Variants in MAGI1 observed in about 807,000 individuals in gnomAD.
MAGI1 encodes membrane-associated guanylate kinase, WW and PDZ domain-containing protein 1.
MAGI1 carries 58 observed loss-of-function variants against 139.9 expected under a neutral mutation model. The ratio of observed to expected loss-of-function variants is 0.41; its 90% CI spans 0.34 to 0.52. The LOEUF (loss-of-function observed/expected upper bound fraction) is 0.52, where lower values mean the gene tolerates loss of function less well. Among genes scored for constraint, MAGI1 ranks in the 20% least tolerant of loss-of-function variants. MAGI1 has a pLI of 0.12. For synonymous variants in MAGI1, 812 were observed against 737.9 expected (o/e 1.10, Z -1.63); for missense variants, 1,874 against 1,901.6 (o/e 0.99, Z 0.27).
intron 1 of MAGI1, among the ~76,000 whole-genome samples, chr3:65,805,330 TG>T (rs1426621878): frequency 6.6e-6 from 1 of 152,088 alleles, no homozygotes; most frequent in Non-Finnish European, 1.5e-5. Flanking sequence ...AACAAACGTA[TG>T]AAAAAAAGCT....
At position 65,835,513 on chromosome 3, in the gene MAGI1, C is replaced by T. The variant is rs376926980; in HGVS notation, c.313+202483G>A. Among the ~76,000 whole-genome samples the T allele has an allele frequency of 3.3e-5, 5 of 152,114 alleles. No homozygotes were observed. The East Asian group carries it at 7.8e-4, about 24-fold the overall frequency. ...TGAATTTCCTAATCCCATGCATTTG[C>T]ATTTCCTGAGTTTCTGATTCTTGCC... On this transcript the variant is annotated intron_variant, in intron 1 of 22. Coordinates refer to ENST00000402939, the MANE Select transcript of MAGI1 (RefSeq NM_001033057.2).
intron 12 of MAGI1, among the ~76,000 whole-genome samples, chr3:65,415,539 C>A (rs1946148871): frequency 6.6e-6 from 1 of 152,182 alleles, no homozygotes; most frequent in African/African-American, 2.4e-5. Context: ...CGCTGGAGAC[C>A]CTCACAGCTG....
intron 2 of MAGI1, among the ~76,000 whole-genome samples, chr3:65,530,054 T>C (rs547488969): frequency 1.3e-5 from 2 of 152,190 alleles, no homozygotes; most frequent in South Asian, 4.2e-4. Flanking sequence ...AGGGATTCAG[T>C]AGGTATTTGT....
intron 2 of MAGI1, among the ~76,000 whole-genome samples, chr3:65,508,571 G>C (rs1180445735): frequency 2.0e-5 from 3 of 152,066 alleles, no homozygotes; most frequent in African/African-American, 7.2e-5. Flanking sequence ...TGAGTGCTTT[G>C]CCTTCTAAGA....
At chr3:65,637,170 T>C (rs902290197) in intron 1 of MAGI1, among the ~76,000 whole-genome samples, 2 of 152,152 alleles carry the variant, frequency 1.3e-5, no homozygotes, top group African/African-American at 2.4e-5. Flanking sequence ...CATATAGAAA[T>C]TGGGAACAGT....
chr3:65,845,656 C>CACCAA (rs2058967580), intron 1 of MAGI1, among the ~76,000 whole-genome samples: 1 of 152,194 alleles, frequency 6.6e-6, no homozygotes, highest in Non-Finnish European at 1.5e-5. Flanking sequence ...AATTTCATGT[C>CACCAA]TTTGCTATGC....
At chr3:65,429,445 C>T in intron 12 of MAGI1, 75 bp downstream of exon 12, 2 of 1,421,288 alleles carry the variant, frequency 1.4e-6, no homozygotes, top group Non-Finnish European at 1.9e-6. Context: ...CCCCAGTGGT[C>T]ATCTGAAGAT....
At chr3:66,005,423 G>T (rs2066963086) in intron 1 of MAGI1, among the ~76,000 whole-genome samples, 1 of 152,138 alleles carries the variant, frequency 6.6e-6, no homozygotes, top group Non-Finnish European at 1.5e-5. Flanking sequence ...CAGACTTCTG[G>T]TTACATCACT....
chr3:65,364,220 A>G (rs1341130069), intron 20 of MAGI1, among the ~76,000 whole-genome samples: 1 of 151,328 alleles, frequency 6.6e-6, no homozygotes, highest in Non-Finnish European at 1.5e-5. Flanking sequence ...GCATCACCCA[A>G]AGTTCCTCAA....
chr3:65,512,107 C>T (rs1322018373), intron 2 of MAGI1, among the ~76,000 whole-genome samples: 2 of 50,728 alleles, frequency 3.9e-5, no homozygotes, highest in Non-Finnish European at 8.2e-5. Flanking sequence ...TTGAAACCAA[C>T]GAGAACAAAG....
Position 65,425,135 on chromosome 3 carries a change from A to AAAAAAAAAAAC in MAGI1, c.2167+4384_2167+4385insGTTTTTTTTTT, listed in dbSNP as rs1559543283. ...AAAAAAAAAAAAAAAAAAAAAAACA[A>AAAAAAAAAAAC]AAAAAAACACACATGCCTAAACATC... On this transcript the variant is annotated intron_variant, in intron 12 of 22. Transcript: ENST00000402939. Among the ~76,000 whole-genome samples the AAAAAAAAAAAC allele has an allele frequency of 2.2e-4, 19 of 87,770 alleles. 1 individual carries two copies. The highest frequency in any genetic ancestry group is 6.7e-4 in the African/African-American group (16 of 24,018). 57.6% of individuals were successfully genotyped at this position (87,770 alleles called of 152,430 possible). A position where few individuals can be genotyped will look rare whatever the true frequency, so the allele number is the denominator to read the frequency against.
intron 3 of MAGI1, among the ~76,000 whole-genome samples, chr3:65,488,046 CAGG>C (rs1468743702): frequency 1.3e-5 from 2 of 152,226 alleles, no homozygotes; most frequent in African/African-American, 4.8e-5. Context: ...GAAGTTCTTA[CAGG>C]ATAGCAGTGG....
intron 12 of MAGI1, among the ~76,000 whole-genome samples, chr3:65,407,229 C>T (rs4688563): frequency 0.3 from 45,090 of 151,752 alleles, 7,714 homozygotes; most frequent in South Asian, 0.45. Flanking sequence ...AGTGGATCAC[C>T]TGAGGTCAAG....
At position 65,530,657 on chromosome 3, in the gene MAGI1, GTGTGTATA is replaced by G. The variant is rs1419625046; in HGVS notation, c.431-37034_431-37027del. Among the ~76,000 whole-genome samples, 306 of 67,164 alleles carry G rather than the reference GTGTGTATA, an allele frequency of 4.6e-3. 7 individuals carry two copies. Among genetic ancestry groups the G allele is most frequent in the African/African-American group, 0.016 (289 of 18,378 alleles). 44.1% of individuals were successfully genotyped at this position (67,164 alleles called of 152,430 possible). A position where few individuals can be genotyped will look rare whatever the true frequency, so the allele number is the denominator to read the frequency against. ...TGTGTGTGTGTGTGTGTGTGTGTGT[GTGTGTATA>G]TATATATACATATATATATACGTGT... On this transcript the variant is annotated intron_variant, in intron 2 of 22. Transcript: ENST00000402939.
At chr3:65,829,682 C>T (rs547528006) in intron 1 of MAGI1, among the ~76,000 whole-genome samples, 3 of 152,198 alleles carry the variant, frequency 2.0e-5, no homozygotes, top group Non-Finnish European at 1.5e-5. Flanking sequence ...TTTTAATAAG[C>T]ATGAGAGTTG....
intron 18 of MAGI1, among the ~76,000 whole-genome samples, chr3:65,369,791 G>A (rs1052482057): frequency 1.3e-5 from 2 of 152,084 alleles, no homozygotes; most frequent in East Asian, 3.9e-4. Flanking sequence ...TTACAGGCAT[G>A]AGCTACCATG....
At chr3:65,424,392 G>A (rs1430639161) in intron 12 of MAGI1, among the ~76,000 whole-genome samples, 1 of 152,172 alleles carries the variant, frequency 6.6e-6, no homozygotes, top group Non-Finnish European at 1.5e-5. Flanking sequence ...TCCCCAGGAA[G>A]TGCCAGAGAC....
At chr3:66,010,492 G>A (rs1172004595) in intron 1 of MAGI1, among the ~76,000 whole-genome samples, 1 of 152,168 alleles carries the variant, frequency 6.6e-6, no homozygotes, top group Non-Finnish European at 1.5e-5. Flanking sequence ...GAAAGAAACT[G>A]CCTCTTGAAA....
intron 1 of MAGI1, among the ~76,000 whole-genome samples, chr3:65,805,636 C>T (rs146513749): frequency 6.6e-6 from 1 of 152,092 alleles, no homozygotes; most frequent in East Asian, 1.9e-4. Flanking sequence ...GGTACATGCA[C>T]GTGTATGTTC....
Sources: gnomAD v4.1 joint callset for allele counts (sites outside exome capture counted in the v4.1 genomes callset) on GRCh38, gnomAD v4.1.1 for gene constraint, MANE v1.5 for transcripts, NCBI Gene and HGNC (gene_info 2026-07-23, HGNC 2026-07-21) for gene names.